OTOA: variants seen among roughly 807,000 people sequenced by gnomAD.
The protein encoded by OTOA is otoancorin, also known as cancer/testis antigen 108.
OTOA carries 70 observed loss-of-function variants against 110.8 expected under a neutral mutation model. That is an observed-to-expected ratio of 0.63 (90% CI 0.52 to 0.77). The LOEUF (loss-of-function observed/expected upper bound fraction) is 0.77. OTOA is among the 30% of genes least tolerant of loss of function. OTOA has a pLI of 0.00. For missense variants in OTOA, 917 were observed against 1,075.8 expected, an observed-to-expected ratio of 0.85 and a Z score of 2.06; for synonymous variants, 373 against 431.5, an observed-to-expected ratio of 0.86 and a Z score of 1.68.
chr16:21,704,347 C>T lies in OTOA; in HGVS notation c.981-822C>T, dbSNP rs568478424. Among the ~76,000 whole-genome samples, 7 of 152,160 alleles carry T rather than the reference C, an allele frequency of 4.6e-5. No individual in the cohort carries two copies. The South Asian group carries it at 1.2e-3, about 27-fold the overall frequency. ...AAAATGGGGAGTTTTCTGTGGCTAC[C>T]GGCACCTTTCTTTCCTTATTCCCTT... On this transcript the variant is annotated intron_variant, in intron 11 of 28. Transcript: ENST00000646100.
intron 22 of OTOA, among the ~76,000 whole-genome samples, chr16:21,737,953 T>C (rs1323129366): frequency 1.3e-5 from 2 of 152,310 alleles, no homozygotes; most frequent in Non-Finnish European, 2.9e-5. Context: ...CCAACAAATA[T>C]TCGTTAAGCA....
At chr16:21,733,537 T>C (rs1250092028) in intron 21 of OTOA, among the ~76,000 whole-genome samples, 1 of 151,764 alleles carries the variant, frequency 6.6e-6, no homozygotes, top group East Asian at 2.0e-4. Context: ...CTACATAGGC[T>C]GAGAGGCTTG....
intron 11 of OTOA, among the ~76,000 whole-genome samples, chr16:21,704,470 C>T (rs969950170): frequency 6.6e-6 from 1 of 152,140 alleles, no homozygotes; most frequent in East Asian, 1.9e-4. Flanking sequence ...TCAGTTTCCC[C>T]ATCTGTGAAA....
chr16:21,687,591 A>G lies in OTOA; in HGVS notation c.578A>G (p.Gln193Arg). ...AGGGGGTCCTCAGGGAGCTTTCTCCAGCCAGACATCACAGAGCGGCTCCCT... is the reference window on the plus strand; with the variant it reads ...AGGGGGTCCTCAGGGAGCTTTCTCCGGCCAGACATCACAGAGCGGCTCCCT... ...VLRGSSGSFL[Q>R]PDITERLPRD... is the part of the protein sequence containing the mutation. Residue 193 changes from glutamine to arginine, a missense_variant, in exon 8 of 29, where the codon CAG becomes CGG. Gln to Arg is a conservative substitution (Grantham distance 43). Coordinates refer to ENST00000646100, the MANE Select transcript of OTOA (RefSeq NM_144672.4). 6.2e-7 allele frequency: 1 copy of G among 1,613,626 alleles called. No homozygotes were observed. Among genetic ancestry groups the G allele is most frequent in the Non-Finnish European group, 8.5e-7 (1 of 1,179,966 alleles).
In OTOA at chr16:21,731,228, T is replaced by C. The variant is rs1899106292; in HGVS notation, c.2301+298T>C. On this transcript the variant is annotated intron_variant, in intron 21 of 28. Transcript: ENST00000646100. ...GTGCATCTCACACGCACGTCTGTTC[T>C]GGCTCTCACACTGGCTGGTGCCCTA... Among the ~76,000 whole-genome samples, 5 of 152,252 alleles carry C rather than the reference T, an allele frequency of 3.3e-5. No individual in the cohort carries two copies. In the South Asian group the frequency reaches 1.0e-3, roughly 31 times the overall value.
chr16:21,709,973 T>G lies in OTOA; in HGVS notation c.1190T>G (p.Leu397Trp), dbSNP rs781571466. ...TCTTTGTCGGATGCAGTTGTAGGTT[T>G]GACCTACAGCCAACTGGAATCCCTC... ...LGSLSDAVVG[L>W]TYSQLESLSP... Residue 397 changes from leucine to tryptophan, a missense_variant, in exon 13 of 29, where the codon TTG becomes TGG. Coordinates refer to ENST00000646100, the MANE Select transcript of OTOA (RefSeq NM_144672.4). 6.2e-6 allele frequency: 10 copies of G among 1,613,718 alleles called. No individual in the cohort carries two copies. The South Asian group carries it at 1.1e-4, about 18-fold the overall frequency.
rs2141655467 is a variant in OTOA at position 21,681,816 on chromosome 16, C to G, written c.258C>G (p.Pro86=). The G allele has an allele frequency of 6.2e-7, 1 of 1,613,756 alleles. No homozygotes were observed. The highest frequency in any genetic ancestry group is 2.2e-5 in the East Asian group (1 of 44,888). ...CCCGGAATGTTGCCTTCACCATCCCCAGCCTGCAGGTGTGTACCTGAGACC... is the reference window on the plus strand; with the variant it reads ...CCCGGAATGTTGCCTTCACCATCCCGAGCCTGCAGGTGTGTACCTGAGACC... The part of the protein sequence containing the change: ...LNSRNVAFTI[P]SLQAAVENHL... Residue 86 remains proline, a synonymous_variant, in exon 6 of 29, where the codon CCC becomes CCG. Coordinates refer to ENST00000646100, the MANE Select transcript of OTOA (RefSeq NM_144672.4).
chr16:21,699,832 T>A (rs554591947), intron 10 of OTOA, among the ~76,000 whole-genome samples: 2 of 152,162 alleles, frequency 1.3e-5, no homozygotes, highest in South Asian at 4.1e-4. Context: ...GGCAGGAGTA[T>A]CACTTGAACC....
chr16:21,697,615 G>A (rs886499348), intron 9 of OTOA, among the ~76,000 whole-genome samples, 160 bp from the exon 10 acceptor site: 2 of 152,194 alleles, frequency 1.3e-5, no homozygotes, highest in African/African-American at 4.8e-5. Flanking sequence ...CTAGGCAACA[G>A]AGTGAGATTC....
At chr16:21,724,862 C>T (rs967329569) in intron 18 of OTOA, among the ~76,000 whole-genome samples, 6 of 151,710 alleles carry the variant, frequency 4.0e-5, no homozygotes, top group East Asian at 1.9e-4. Flanking sequence ...TTGCAACCTC[C>T]GCCACCTGGG....
At chr16:21,671,816 G>A (rs1337720012) in intron 1 of OTOA, among the ~76,000 whole-genome samples, 1 of 151,994 alleles carries the variant, frequency 6.6e-6, no homozygotes, top group Non-Finnish European at 1.5e-5. Flanking sequence ...ATGTATCTGT[G>A]TGACAACCAC....
At chr16:21,725,281 A>G (rs1898877781) in intron 18 of OTOA, among the ~76,000 whole-genome samples, 1 of 151,834 alleles carries the variant, frequency 6.6e-6, no homozygotes, top group African/African-American at 2.4e-5. Flanking sequence ...GTTAGAATAG[A>G]TTTTTTTGTT....
chr16:21,668,966 A>T (rs931962653), intron 1 of OTOA, among the ~76,000 whole-genome samples: 8 of 152,018 alleles, frequency 5.3e-5, no homozygotes, highest in Non-Finnish European at 1.0e-4. Context: ...TGGGGGTGCC[A>T]TGGGTCTCAG....
chr16:21,699,107 T>C (rs1381828842), intron 10 of OTOA, among the ~76,000 whole-genome samples: 1 of 152,038 alleles, frequency 6.6e-6, no homozygotes, highest in Non-Finnish European at 1.5e-5. Flanking sequence ...CATGCCACCA[T>C]GCCTGGCTAA....
rs754836536 is a variant in OTOA at position 21,687,626 on chromosome 16, C to A, written c.613C>A (p.Arg205Ser). ...CACAGAGCGGCTCCCTCGGGACCTG[C>A]GCGAGGATGCCTTTAAGAACCTGTG... ...DITERLPRDL[R>S]EDAFKNLSAV... The change falls in exon 8 of 29, where the codon CGC (arginine) becomes AGC (serine). Residue 205 changes from arginine to serine, a missense_variant. This residue lies in a region of OTOA where 840 missense variants were observed against 910.2 expected (regional missense o/e 0.92). Transcript: ENST00000646100. The A allele has an allele frequency of 1.2e-6, 2 of 1,610,970 alleles. No individual in the cohort carries two copies. The highest frequency in any genetic ancestry group is 1.7e-6 in the Non-Finnish European group (2 of 1,178,964).
At chr16:21,757,812 T>A (rs1357333732) in intron 28 of OTOA, among the ~76,000 whole-genome samples, 5 of 151,976 alleles carry the variant, frequency 3.3e-5, no homozygotes, top group Admixed American at 2.6e-4. Flanking sequence ...GAGATGGGGC[T>A]TCACCATGTT....
chr16:21,758,004 C>G (rs620594), intron 28 of OTOA, among the ~76,000 whole-genome samples: 28 of 151,962 alleles, frequency 1.8e-4, no homozygotes, highest in African/African-American at 3.9e-4. Flanking sequence ...ACAGAGGTGA[C>G]CAAGATAGAT....
At chr16:21,701,617 TTTTA>T (rs773670023) in intron 11 of OTOA, among the ~76,000 whole-genome samples, 123 of 152,208 alleles carry the variant, frequency 8.1e-4, no homozygotes, top group Middle Eastern at 3.4e-3. Flanking sequence ...CTCCTTTTCC[TTTTA>T]TTTATTTATT....
intron 1 of OTOA, 42 bp from the exon 2 acceptor site, chr16:21,678,466 ATAT>A (rs759391509): frequency 3.6e-6 from 4 of 1,100,340 alleles, no homozygotes; most frequent in Admixed American, 1.8e-5. Flanking sequence ...ATATATATAT[ATAT>A]TAAAAAAACA....
Sources: gnomAD v4.1 joint callset for allele counts (sites outside exome capture counted in the v4.1 genomes callset) on GRCh38, gnomAD v4.1.1 for gene constraint, gnomAD v4.1.1 regional missense constraint, MANE v1.5 for transcripts, NCBI Gene and HGNC (gene_info 2026-07-23, HGNC 2026-07-21) for gene names.